KCNIP4: variants seen among roughly 807,000 people sequenced by gnomAD.
KCNIP4 encodes the protein Kv channel-interacting protein 4.
Under a neutral mutation model 34.0 loss-of-function variants are expected in KCNIP4, and 12 were observed. That is an observed-to-expected ratio of 0.35 (90% CI 0.23 to 0.57). KCNIP4 has a LOEUF of 0.57. KCNIP4 is among the 20% of genes least tolerant of loss of function. The pLI, the probability that KCNIP4 is intolerant of heterozygous loss-of-function variation, is 0.83. For synonymous variants in KCNIP4, 124 were observed against 102.2 expected, an observed-to-expected ratio of 1.21 and a Z score of -1.29; for missense variants, 238 against 311.7, an observed-to-expected ratio of 0.76 and a Z score of 1.78.
At chr4:20,993,826 C>T (rs1737300941) in intron 1 of KCNIP4, among the ~76,000 whole-genome samples, 2 of 152,268 alleles carry the variant, frequency 1.3e-5, no homozygotes, top group South Asian at 4.1e-4. Flanking sequence ...TGAAATGGTT[C>T]TCATTGGGCT....
intron 1 of KCNIP4, among the ~76,000 whole-genome samples, chr4:21,272,276 A>G (rs1762199457): frequency 6.6e-6 from 1 of 152,182 alleles, no homozygotes; most frequent in South Asian, 2.1e-4. Context: ...AGCTCTGGGA[A>G]TATTACCTAG....
chr4:20,787,222 G>A (rs1413923919), intron 3 of KCNIP4, among the ~76,000 whole-genome samples: 1 of 152,068 alleles, frequency 6.6e-6, no homozygotes, highest in African/African-American at 2.4e-5. Context: ...CAGTTTTCAT[G>A]TTTCATAGTA....
At chr4:21,463,776 A>G (rs67949357) in intron 1 of KCNIP4, among the ~76,000 whole-genome samples, 17,795 of 152,096 alleles carry the variant, frequency 0.12, 1,228 homozygotes, top group South Asian at 0.16. Flanking sequence ...GAGTTTGTAA[A>G]GAATTATTAC....
At chr4:21,937,968 C>T (rs1729962974) in intron 1 of KCNIP4, among the ~76,000 whole-genome samples, 1 of 152,140 alleles carries the variant, frequency 6.6e-6, no homozygotes, top group African/African-American at 2.4e-5. Context: ...TTTCATACTG[C>T]ATCACATCTT....
intron 3 of KCNIP4, among the ~76,000 whole-genome samples, chr4:20,801,949 A>G (rs556569634): frequency 2.6e-4 from 39 of 152,058 alleles, no homozygotes; most frequent in African/African-American, 8.9e-4. Flanking sequence ...TAAAAGACAC[A>G]TGTAACTAAA....
chr4:20,777,361 G>T (rs183736154), intron 3 of KCNIP4, among the ~76,000 whole-genome samples: 2 of 152,174 alleles, frequency 1.3e-5, no homozygotes, highest in South Asian at 4.1e-4. Context: ...CAGAACACAT[G>T]GGGATTATGG....
chr4:21,722,588 C>A (rs940974141), intron 1 of KCNIP4, among the ~76,000 whole-genome samples: 1 of 152,070 alleles, frequency 6.6e-6, no homozygotes. Flanking sequence ...TAATTCAACA[C>A]GTCATTTGGG....
chr4:21,170,683 T>G (rs1286126037), intron 1 of KCNIP4, among the ~76,000 whole-genome samples: 2 of 152,184 alleles, frequency 1.3e-5, no homozygotes, highest in Non-Finnish European at 2.9e-5. Flanking sequence ...ATATGTATTT[T>G]AAGATGAATT....
chr4:21,609,231 G>C (rs1159794429), intron 1 of KCNIP4, among the ~76,000 whole-genome samples: 1 of 152,110 alleles, frequency 6.6e-6, no homozygotes, highest in East Asian at 1.9e-4. Flanking sequence ...AATAAATTTT[G>C]AATAAAATTA....
chr4:20,851,046 C>T (rs1384145310), intron 2 of KCNIP4, among the ~76,000 whole-genome samples: 3 of 151,826 alleles, frequency 2.0e-5, no homozygotes, highest in Non-Finnish European at 4.4e-5. Context: ...CTTTTTTCCC[C>T]AACGTTTAAG....
intron 1 of KCNIP4, among the ~76,000 whole-genome samples, chr4:21,761,081 T>C (rs1039769965): frequency 2.0e-5 from 3 of 152,122 alleles, no homozygotes; most frequent in Non-Finnish European, 4.4e-5. Context: ...TCTCCTTTAA[T>C]TATGTACTTT....
intron 1 of KCNIP4, among the ~76,000 whole-genome samples, chr4:21,818,602 C>T (rs1448238083): frequency 6.6e-6 from 1 of 152,180 alleles, no homozygotes; most frequent in African/African-American, 2.4e-5. Context: ...TACTCAGTAG[C>T]TACATGTGAG....
chr4:21,189,442 A>G (rs1755474254), intron 1 of KCNIP4, among the ~76,000 whole-genome samples: 1 of 152,208 alleles, frequency 6.6e-6, no homozygotes, highest in Non-Finnish European at 1.5e-5. Flanking sequence ...CACATCTGTT[A>G]TCAGTTAATA....
At chr4:20,975,723 G>A (rs577018969) in intron 1 of KCNIP4, among the ~76,000 whole-genome samples, 13 of 152,210 alleles carry the variant, frequency 8.5e-5, no homozygotes, top group African/African-American at 3.1e-4. Context: ...CTTCTCAATG[G>A]TTCCCTTTAT....
intron 1 of KCNIP4, among the ~76,000 whole-genome samples, chr4:21,899,119 G>A (rs1176705838): frequency 6.6e-6 from 1 of 152,144 alleles, no homozygotes; most frequent in East Asian, 1.9e-4. Flanking sequence ...AGGGATGCAA[G>A]GATAGTTCAA....
At chr4:21,931,652 A>T (rs922762609) in intron 1 of KCNIP4, among the ~76,000 whole-genome samples, 1 of 151,914 alleles carries the variant, frequency 6.6e-6, no homozygotes, top group Admixed American at 6.6e-5. Flanking sequence ...TGTATATGTG[A>T]CACATTTTCC....
chr4:21,132,058 T>C (rs1266646255), intron 1 of KCNIP4, among the ~76,000 whole-genome samples: 1 of 152,202 alleles, frequency 6.6e-6, no homozygotes, highest in African/African-American at 2.4e-5. Flanking sequence ...TTTATTGTGC[T>C]GTCCTGACAG....
chr4:20,815,198 C>G (rs2149437914), intron 3 of KCNIP4, among the ~76,000 whole-genome samples: 1 of 152,232 alleles, frequency 6.6e-6, no homozygotes, highest in East Asian at 1.9e-4. Context: ...AACCAATCAT[C>G]TGAATCACTA....
At chr4:21,232,123 G>A (rs897212657) in intron 1 of KCNIP4, among the ~76,000 whole-genome samples, 4 of 152,064 alleles carry the variant, frequency 2.6e-5, no homozygotes, top group African/African-American at 9.7e-5. Context: ...CAGTGCTCAG[G>A]CCCTGTCATG....
Sources: allele counts gnomAD v4.1 joint callset (sites outside exome capture counted in the v4.1 genomes callset), GRCh38; gene constraint gnomAD v4.1.1; transcripts MANE v1.5; gene names NCBI Gene and HGNC (gene_info 2026-07-23, HGNC 2026-07-21).